The following ZNF236 variants were observed in gnomAD, a reference collection of about 807,000 sequenced individuals.
ZNF236 encodes the protein zinc finger protein 236, also known as regulated by glucose.
A neutral mutation model predicts 191.2 loss-of-function variants in ZNF236; 50 were observed. The observed-to-expected ratio is 0.26, with a 90% CI of 0.21 to 0.33. The LOEUF is 0.33. ZNF236 is among the 10% of genes least tolerant of loss of function. The pLI is 1.00. For synonymous variants in ZNF236, 907 were observed against 928.8 expected, an observed-to-expected ratio of 0.98 and a Z score of 0.43; for missense variants, 1,754 against 2,374.5, an observed-to-expected ratio of 0.74 and a Z score of 5.43.
At chr18:76,906,590 C>G (rs75568923) in intron 13 of ZNF236, among the ~76,000 whole-genome samples, 9,756 of 152,246 alleles carry the variant, frequency 0.064, 1,019 homozygotes, top group African/African-American at 0.22. Context: ...AGGAAGCCAG[C>G]CTCTTCCAGT....
Position 76,870,505 on chromosome 18 carries a change from C to T in ZNF236, c.543-1196C>T, listed in dbSNP as rs76109969. Among the ~76,000 whole-genome samples, 798 of 152,286 alleles carry T rather than the reference C, an allele frequency of 5.2e-3. 8 individuals carry two copies. The highest frequency in any genetic ancestry group is 0.018 in the African/African-American group (755 of 41,542). On this transcript the variant is annotated intron_variant, in intron 4 of 30. Transcript: ENST00000320610. ...CAGACTGAGGAGCAAACCAGACAGA[C>T]GAAGCCTCGCCCTCACAGAACTGCC... is the stretch of plus-strand genomic sequence containing the variant.
intron 10 of ZNF236, chr18:76,895,488 C>A: frequency 1.4e-6 from 1 of 704,032 alleles, no homozygotes; most frequent in East Asian, 2.7e-5. Flanking sequence ...CCGGTACTGC[C>A]CACAGGGACT....
chr18:76,962,376 G>T (rs1010116547), intron 30 of ZNF236, among the ~76,000 whole-genome samples: 1 of 151,940 alleles, frequency 6.6e-6, no homozygotes, highest in African/African-American at 2.4e-5. Flanking sequence ...TAAGTATTTG[G>T]GTTTATTTCT....
rs1967281672 is a variant in ZNF236 at position 76,913,764 on chromosome 18, A to G, written c.2927A>G (p.Lys976Arg). Reference protein sequence around the residue: ...RRSYRCDYCNKGFKKSSHLKQ... With the variant: ...RRSYRCDYCNRGFKKSSHLKQ... Reference sequence around the variant, plus strand: ...CTTTGTAGGTGTGACTATTGCAACAAAGGCTTTAAGAAGTCCAGCCACCTG... The same window carrying G: ...CTTTGTAGGTGTGACTATTGCAACAGAGGCTTTAAGAAGTCCAGCCACCTG... The change falls in exon 18 of 31, where the codon AAA (lysine) becomes AGA (arginine). Residue 976 changes from lysine to arginine, a missense_variant. Coordinates refer to ENST00000320610, the MANE Select transcript of ZNF236 (RefSeq NM_001306089.2). The G allele has an allele frequency of 1.2e-6, 2 of 1,614,052 alleles. No individual in the cohort carries two copies. The highest frequency in any genetic ancestry group is 1.3e-5 in the African/African-American group (1 of 74,938).
At chr18:76,827,647 G>A (rs1278266526) in intron 1 of ZNF236, among the ~76,000 whole-genome samples, 1 of 152,128 alleles carries the variant, frequency 6.6e-6, no homozygotes, top group Non-Finnish European at 1.5e-5. Flanking sequence ...TGGAGAAAAT[G>A]TTGTTAAAAT....
At chr18:76,832,884 G>A (rs542563876) in intron 1 of ZNF236, among the ~76,000 whole-genome samples, 3 of 151,644 alleles carry the variant, frequency 2.0e-5, no homozygotes, top group East Asian at 1.9e-4. Context: ...TTCTTTCCTC[G>A]TTATCGTCTC....
At chr18:76,956,247 A>G in intron 28 of ZNF236, 65 bp downstream of exon 28, 1 of 1,515,792 alleles carries the variant, frequency 6.6e-7, no homozygotes, top group Non-Finnish European at 8.8e-7. Flanking sequence ...GGAGTCCAAG[A>G]TTTAACACTG....
chr18:76,856,578 A>G (rs548323988), intron 3 of ZNF236, among the ~76,000 whole-genome samples: 21 of 152,352 alleles, frequency 1.4e-4, no homozygotes, highest in African/African-American at 4.6e-4. Flanking sequence ...TATTTCTTTA[A>G]TTATGAGTGA....
chr18:76,854,473 A>G (rs1975985355), intron 3 of ZNF236, among the ~76,000 whole-genome samples: 1 of 151,794 alleles, frequency 6.6e-6, no homozygotes, highest in African/African-American at 2.4e-5. Flanking sequence ...TAAAATCTGC[A>G]GTATCTCGGG....
chr18:76,946,956 A>G (rs1330199449), intron 26 of ZNF236, among the ~76,000 whole-genome samples: 1 of 152,214 alleles, frequency 6.6e-6, no homozygotes, highest in Non-Finnish European at 1.5e-5. Context: ...TTGTACAACC[A>G]TCACCATGGT....
Position 76,959,751 on chromosome 18 carries a change from G to C in ZNF236, c.5177G>C (p.Cys1726Ser). The C allele has an allele frequency of 6.2e-7, 1 of 1,614,106 alleles. No homozygotes were observed. Among genetic ancestry groups the C allele is most frequent in the Non-Finnish European group, 8.5e-7 (1 of 1,180,004 alleles). ...TCCCAGAAGCCAAGAGTGTTTAAAT[G>C]TGACACTTGTGAGAAGGCATTTGCC... ...LSSQKPRVFK[C>S]DTCEKAFAKP... The change falls in exon 29 of 31, where the codon TGT becomes TCT. Residue 1726 changes from cysteine to serine, a missense_variant. Around this residue, in one of 5 missense-constraint regions of ZNF236, gnomAD observed 606 missense variants for 761.5 expected, o/e 0.80. Coordinates refer to ENST00000320610, the MANE Select transcript of ZNF236 (RefSeq NM_001306089.2).
chr18:76,902,612 C>G (rs894474049), intron 11 of ZNF236, among the ~76,000 whole-genome samples: 1 of 152,076 alleles, frequency 6.6e-6, no homozygotes, highest in Non-Finnish European at 1.5e-5. Context: ...CACTCTGTCA[C>G]CCAGGCTGGA....
intron 30 of ZNF236, among the ~76,000 whole-genome samples, chr18:76,964,357 A>G (rs1968727069): frequency 6.6e-6 from 1 of 152,060 alleles, no homozygotes; most frequent in Non-Finnish European, 1.5e-5. Flanking sequence ...ATTTTCATGT[A>G]TTTGCATGGT....
At chr18:76,887,239 A>G (rs1219896115) in intron 9 of ZNF236, among the ~76,000 whole-genome samples, 1 of 151,920 alleles carries the variant, frequency 6.6e-6, no homozygotes. Flanking sequence ...GGGCATGATG[A>G]TGCGCACCTG....
At chr18:76,863,703 A>T (rs1976310873) in intron 3 of ZNF236, among the ~76,000 whole-genome samples, 1 of 151,932 alleles carries the variant, frequency 6.6e-6, no homozygotes, top group African/African-American at 2.4e-5. Flanking sequence ...CTGGGATTAC[A>T]CATGTGAGCA....
chr18:76,947,735 G>A, intron 27 of ZNF236, 83 bp downstream of exon 27: 1 of 1,495,152 alleles, frequency 6.7e-7, no homozygotes, highest in Non-Finnish European at 9.0e-7. Flanking sequence ...AGAGGGTTAT[G>A]GGCGTGCTGT....
Position 76,868,766 on chromosome 18 carries a change from C to T in ZNF236, c.445C>T (p.Leu149=), listed in dbSNP as rs925283866. 6.2e-7 allele frequency: 1 copy of T among 1,613,962 alleles called. No individual in the cohort carries two copies. The highest frequency in any genetic ancestry group is 8.5e-7 in the Non-Finnish European group (1 of 1,179,942). ...GCACATGGAGGAGCACCGCCAGGAGCTGGCTGGAACCCGGCAGCATGCCTG... is the reference window on the plus strand; with the variant it reads ...GCACATGGAGGAGCACCGCCAGGAGTTGGCTGGAACCCGGCAGCATGCCTG... ...AVHMEEHRQE[L]AGTRQHACKA... The change falls in exon 4 of 31, where the codon CTG becomes TTG. Residue 149 remains leucine (L), a synonymous_variant. Coordinates refer to ENST00000320610, the MANE Select transcript of ZNF236 (RefSeq NM_001306089.2).
intron 10 of ZNF236, among the ~76,000 whole-genome samples, chr18:76,896,072 C>A (rs1179458050): frequency 1.3e-5 from 2 of 151,704 alleles, no homozygotes; most frequent in Admixed American, 6.6e-5. Context: ...CAGTACCAAA[C>A]ACAGTACTAA....
intron 26 of ZNF236, among the ~76,000 whole-genome samples, chr18:76,939,690 A>T (rs1968083044): frequency 6.6e-6 from 1 of 151,666 alleles, no homozygotes; most frequent in African/African-American, 2.4e-5. Context: ...TGTAAATATG[A>T]CCTTACACTT....
Sources: allele counts gnomAD v4.1 joint callset (sites outside exome capture counted in the v4.1 genomes callset), GRCh38; gene constraint gnomAD v4.1.1; regional missense constraint gnomAD v4.1.1; transcripts MANE v1.5; gene names NCBI Gene and HGNC (gene_info 2026-07-23, HGNC 2026-07-21).